The following ZRANB3 variants were observed in gnomAD, a reference collection of about 807,000 sequenced individuals.
ZRANB3 encodes the protein DNA annealing helicase and endonuclease ZRANB3.
A neutral mutation model predicts 133.8 loss-of-function variants in ZRANB3; 125 were observed. The ratio of observed to expected loss-of-function variants is 0.93; its 90% CI spans 0.81 to 1.08. The LOEUF (loss-of-function observed/expected upper bound fraction) is 1.08, where lower values mean the gene tolerates loss of function less well. ZRANB3 is among the 50% of genes least tolerant of loss of function. ZRANB3 has a pLI of 0.00. For missense variants in ZRANB3, 1,229 were observed against 1,275.5 expected, an observed-to-expected ratio of 0.96 and a Z score of 0.56; for synonymous variants, 387 against 432.7, an observed-to-expected ratio of 0.89 and a Z score of 1.31.
chr2:135,519,216 G>A (rs1259108143), intron 1 of ZRANB3, among the ~76,000 whole-genome samples: 2 of 152,124 alleles, frequency 1.3e-5, no homozygotes, highest in Non-Finnish European at 2.9e-5. Flanking sequence ...TATCCTGGTT[G>A]TACTGTAGTT....
chr2:135,445,469 T>C (rs1350981202), intron 2 of ZRANB3, among the ~76,000 whole-genome samples: 2 of 151,016 alleles, frequency 1.3e-5, no homozygotes, highest in Non-Finnish European at 3.0e-5. Context: ...AAGGGGAAAA[T>C]AGTGTGCTTT....
intron 3 of ZRANB3, among the ~76,000 whole-genome samples, chr2:135,374,693 G>C (rs1313036374): frequency 6.6e-6 from 1 of 151,842 alleles, no homozygotes; most frequent in African/African-American, 2.4e-5. Flanking sequence ...GTAGAGATGG[G>C]GTTTCACCAT....
At chr2:135,507,988 G>A (rs1171248079) in intron 1 of ZRANB3, among the ~76,000 whole-genome samples, 1 of 145,362 alleles carries the variant, frequency 6.9e-6, no homozygotes, top group Non-Finnish European at 1.5e-5. Flanking sequence ...GAGAGAGAGA[G>A]AATAACAAAA....
chr2:135,329,875 G>GA (rs1411841732), intron 6 of ZRANB3, among the ~76,000 whole-genome samples: 2 of 152,270 alleles, frequency 1.3e-5, no homozygotes, highest in East Asian at 3.9e-4. Context: ...TGGTGTATAG[G>GA]AAGGCTTGTG....
intron 2 of ZRANB3, among the ~76,000 whole-genome samples, chr2:135,424,562 A>G (rs373320940): frequency 6.6e-5 from 10 of 152,080 alleles, no homozygotes; most frequent in East Asian, 5.8e-4. Flanking sequence ...GTGAAACCCT[A>G]TCTCTACTAA....
intron 2 of ZRANB3, among the ~76,000 whole-genome samples, chr2:135,494,025 G>A (rs1692538047): frequency 6.6e-6 from 1 of 151,530 alleles, no homozygotes; most frequent in Non-Finnish European, 1.5e-5. Context: ...AGAAAACTAA[G>A]ATACCATACA....
intron 8 of ZRANB3, among the ~76,000 whole-genome samples, chr2:135,281,803 T>C (rs760274902): frequency 6.6e-6 from 1 of 152,234 alleles, no homozygotes; most frequent in Non-Finnish European, 1.5e-5. Context: ...AACCTAACAA[T>C]GTTAGGACCT....
chr2:135,414,702 A>C (rs1688473165), intron 2 of ZRANB3, among the ~76,000 whole-genome samples: 2 of 152,188 alleles, frequency 1.3e-5, no homozygotes, highest in Admixed American at 1.3e-4. Context: ...ACATACTTGG[A>C]AGTAAAGCTC....
intron 3 of ZRANB3, among the ~76,000 whole-genome samples, chr2:135,364,832 C>T (rs533732555): frequency 9.2e-4 from 139 of 151,090 alleles, no homozygotes; most frequent in Admixed American, 1.5e-3. Context: ...GGGCAGATCA[C>T]GAGGTCAGGA....
intron 2 of ZRANB3, among the ~76,000 whole-genome samples, chr2:135,428,092 T>C (rs1346900620): frequency 6.6e-6 from 1 of 152,070 alleles, no homozygotes; most frequent in Non-Finnish European, 1.5e-5. Context: ...CCTAAAACTA[T>C]AAAAACCCTA....
chr2:135,258,972 C>A (rs1371044294), intron 12 of ZRANB3, among the ~76,000 whole-genome samples: 1 of 152,208 alleles, frequency 6.6e-6, no homozygotes, highest in Non-Finnish European at 1.5e-5. Flanking sequence ...ACAAAGCAAA[C>A]ATTTCATACA....
intron 8 of ZRANB3, among the ~76,000 whole-genome samples, chr2:135,284,486 T>C (rs1191410504): frequency 1.3e-5 from 2 of 152,228 alleles, no homozygotes; most frequent in East Asian, 3.9e-4. Flanking sequence ...GTTTGTTTGC[T>C]TTTGAGACGG....
intron 2 of ZRANB3, among the ~76,000 whole-genome samples, chr2:135,498,627 G>A (rs1444309560): frequency 6.6e-6 from 1 of 152,202 alleles, no homozygotes; most frequent in East Asian, 1.9e-4. Context: ...CTGGCTGCCT[G>A]AGAGCCGGGG....
At chr2:135,513,839 A>G (rs1473228125) in intron 1 of ZRANB3, among the ~76,000 whole-genome samples, 1 of 152,226 alleles carries the variant, frequency 6.6e-6, no homozygotes, top group East Asian at 1.9e-4. Context: ...AGTTTTCTGC[A>G]TATGGCTAGC....
chr2:135,263,328 C>G, intron 12 of ZRANB3, among the ~76,000 whole-genome samples: 1 of 152,180 alleles, frequency 6.6e-6, no homozygotes, highest in East Asian at 1.9e-4. Context: ...ATATGACAAT[C>G]TACATATCCA....
At chr2:135,292,163 A>G (rs1681779293) in intron 8 of ZRANB3, among the ~76,000 whole-genome samples, 1 of 152,166 alleles carries the variant, frequency 6.6e-6, no homozygotes, top group Non-Finnish European at 1.5e-5. Context: ...TCCCTGAGGA[A>G]TCACCACACT....
chr2:135,226,744 T>C (rs1298628704), intron 14 of ZRANB3, among the ~76,000 whole-genome samples: 1 of 152,196 alleles, frequency 6.6e-6, no homozygotes, highest in African/African-American at 2.4e-5. Context: ...TCATATTTAG[T>C]TCACTGAGCC....
chr2:135,312,009 C>T (rs2104822340), intron 8 of ZRANB3, among the ~76,000 whole-genome samples: 1 of 152,086 alleles, frequency 6.6e-6, no homozygotes, highest in East Asian at 1.9e-4. Flanking sequence ...TACAAAGGCA[C>T]ATGGGGGAAC....
At chr2:135,384,799 C>A (rs1054497601) in intron 3 of ZRANB3, among the ~76,000 whole-genome samples, 1 of 152,182 alleles carries the variant, frequency 6.6e-6, no homozygotes, top group African/African-American at 2.4e-5. Flanking sequence ...AACAGCCCTT[C>A]ATGCTAAAAA....
Sources: gnomAD v4.1 joint callset for allele counts (sites outside exome capture counted in the v4.1 genomes callset) on GRCh38, gnomAD v4.1.1 for gene constraint, MANE v1.5 for transcripts, NCBI Gene and HGNC (gene_info 2026-07-23, HGNC 2026-07-21) for gene names.